Variants in VAV1 observed in about 807,000 individuals in gnomAD.
VAV1 encodes the protein proto-oncogene vav.
A neutral mutation model predicts 128.1 loss-of-function variants in VAV1; 33 were observed. That is an observed-to-expected ratio of 0.26 (90% confidence interval 0.20 to 0.34). The LOEUF (loss-of-function observed/expected upper bound fraction) is 0.34, where lower values mean the gene tolerates loss of function less well. VAV1 is among the 10% of genes least tolerant of loss of function. The probability of loss-of-function intolerance (pLI) is 1.00; values close to 1 mark genes in which losing one functional copy is unlikely to be tolerated. For missense variants in VAV1, 715 were observed against 1,093.7 expected (o/e 0.65, Z 4.88); for synonymous variants, 394 against 409.8 (o/e 0.96, Z 0.47).
intron 1 of VAV1, among the ~76,000 whole-genome samples, chr19:6,803,001 T>C (rs1200687075): frequency 6.6e-6 from 1 of 152,206 alleles, no homozygotes; most frequent in African/African-American, 2.4e-5. Flanking sequence ...GCTTTATTCA[T>C]GATTGCTGAA....
chr19:6,852,444 G>A (rs1022383706), intron 24 of VAV1, among the ~76,000 whole-genome samples: 2 of 152,144 alleles, frequency 1.3e-5, no homozygotes, highest in Non-Finnish European at 2.9e-5. Context: ...GTTTTTGGCC[G>A]GGCACGGTGG....
intron 22 of VAV1, among the ~76,000 whole-genome samples, chr19:6,843,794 C>G (rs11670466): frequency 6.6e-6 from 1 of 151,960 alleles, no homozygotes; most frequent in South Asian, 2.1e-4. Context: ...TTAATCTGTT[C>G]TAAGATGCAT....
chr19:6,786,333 G>T (rs1970893093), intron 1 of VAV1, among the ~76,000 whole-genome samples: 1 of 152,044 alleles, frequency 6.6e-6, no homozygotes, highest in Non-Finnish European at 1.5e-5. Flanking sequence ...ATCTTAGCTT[G>T]TATCTGTAGT....
intron 9 of VAV1, chr19:6,827,093 A>G: frequency 4.2e-6 from 1 of 236,096 alleles, no homozygotes; most frequent in Admixed American, 4.7e-5. Flanking sequence ...CTTGAACTGA[A>G]CTTCAACCTG....
In VAV1 at chr19:6,821,816, G is replaced by A; in HGVS notation, c.406G>A (p.Val136Ile). ...GCCCTTCCCCACCGAGGAGGAGAGT[G>A]TAGGTGATGAAGACATCTACAGTGG... ...IMPFPTEEES[V>I]GDEDIYSGLS... The change falls in exon 4 of 27, where the codon GTA becomes ATA. Residue 136 changes from valine to isoleucine, a missense_variant. Around this residue, in one of 3 missense-constraint regions of VAV1, gnomAD observed 302 missense variants for 477.8 expected, o/e 0.63. Transcript: ENST00000602142. 1 of 1,614,212 alleles carries A rather than the reference G, an allele frequency of 6.2e-7. No homozygotes were observed. The highest frequency in any genetic ancestry group is 8.5e-7 in the Non-Finnish European group (1 of 1,180,022).
intron 21 of VAV1, among the ~76,000 whole-genome samples, chr19:6,837,751 A>G (rs187360348): frequency 1.3e-5 from 2 of 152,204 alleles, no homozygotes; most frequent in East Asian, 3.9e-4. Flanking sequence ...CTACCCACAC[A>G]TAGTATTTAT....
chr19:6,798,042 C>T (rs995993951), intron 1 of VAV1, among the ~76,000 whole-genome samples: 8 of 152,096 alleles, frequency 5.3e-5, no homozygotes, highest in East Asian at 1.9e-4. Flanking sequence ...TTTGGGAGGC[C>T]GAGGTGGGCA....
chr19:6,849,471 TAG>T (rs921764122), intron 23 of VAV1, among the ~76,000 whole-genome samples: 1 of 124,696 alleles, frequency 8.0e-6, no homozygotes, highest in Middle Eastern at 4.1e-3. Context: ...TTTGTATTTT[TAG>T]TAGAGACAGT....
In VAV1 at chr19:6,839,143, C is replaced by T. The variant is rs368800375; in HGVS notation, c.1980+2093C>T. The stretch of plus-strand genomic sequence containing the variant: ...GTCTCGAACTCCTGACCTTGTGATC[C>T]GCCAGCTTCAGCCTCCCAAAGTGTT... On this transcript the variant is annotated intron_variant, in intron 21 of 26. Transcript: ENST00000602142. Among the ~76,000 whole-genome samples the T allele has an allele frequency of 2.1e-4, 31 of 150,742 alleles. No individual in the cohort carries two copies. The South Asian group carries it at 4.6e-3, about 22-fold the overall frequency.
chr19:6,832,969 A>AG (rs1250299068), intron 15 of VAV1, among the ~76,000 whole-genome samples: 8 of 152,152 alleles, frequency 5.3e-5, no homozygotes, highest in African/African-American at 1.4e-4. Context: ...CCGCTCTCGC[A>AG]GCCCCTGGAA....
intron 19 of VAV1, 23 bp downstream of exon 19, chr19:6,833,976 G>A (rs753225970): frequency 6.2e-7 from 1 of 1,613,986 alleles, no homozygotes; most frequent in Non-Finnish European, 8.5e-7. Context: ...GGGTTGCTGT[G>A]TGGGGGCAGG....
intron 1 of VAV1, among the ~76,000 whole-genome samples, chr19:6,802,204 T>G (rs2546136): frequency 0.86 from 129,865 of 151,612 alleles, 56,386 homozygotes; most frequent in East Asian, 1. Flanking sequence ...GTCGGGGAAG[T>G]GGGGAGGGAT....
At chr19:6,782,767 G>A (rs1310393050) in intron 1 of VAV1, among the ~76,000 whole-genome samples, 4 of 151,960 alleles carry the variant, frequency 2.6e-5, no homozygotes, top group East Asian at 1.9e-4. Context: ...CTATGGTCCC[G>A]GCTACCTAGG....
chr19:6,853,079 G>A lies in VAV1; in HGVS notation c.2332G>A (p.Val778Met). 6.2e-7 allele frequency: 1 copy of A among 1,610,676 alleles called. No homozygotes were observed. The highest frequency in any genetic ancestry group is 8.5e-7 in the Non-Finnish European group (1 of 1,177,872). Reference protein sequence around the residue: ...PEKRTISRPAVGSTKYFGTAK... With the variant: ...PEKRTISRPAMGSTKYFGTAK... ...AAAGAGAACCATCAGCAGGCCAGCAGGTAGGAGGTCTCAGACTGGGGGCTT... is the reference window on the plus strand; with the variant it reads ...AAAGAGAACCATCAGCAGGCCAGCAAGTAGGAGGTCTCAGACTGGGGGCTT... The change falls in exon 25 of 27, where the codon GTG becomes ATG. Residue 778 changes from valine (V) to methionine (M), a missense_variant and splice_region_variant. Coordinates refer to ENST00000602142, the MANE Select transcript of VAV1 (RefSeq NM_005428.4).
In VAV1 at chr19:6,833,503, T is replaced by C. The variant is rs755831832; in HGVS notation, c.1611-25T>C. ...CCTGTCTGTAAAGGTCACTCGCTCT[T>C]CTTTATGTGTTCCCTGCATCTCAGA... is the stretch of plus-strand genomic sequence containing the variant. On this transcript the variant is annotated intron_variant, in intron 16 of 26. Transcript: ENST00000602142. The C allele has an allele frequency of 5.1e-6, 8 of 1,575,622 alleles. No individual in the cohort carries two copies. In the African/African-American group the frequency reaches 8.2e-5, roughly 16 times the overall value.
intron 14 of VAV1, 30 bp downstream of exon 14, chr19:6,829,948 C>T (rs1448771984): frequency 1.2e-6 from 2 of 1,613,462 alleles, no homozygotes; most frequent in African/African-American, 2.7e-5. Context: ...ACTATGGGGT[C>T]CTCCACGCAG....
rs1244301126 is a variant in VAV1, at chr19:6,828,327, G to C, written c.1024-92G>C. 44 of 1,563,014 alleles carry C rather than the reference G, an allele frequency of 2.8e-5. No homozygotes were observed. The highest frequency in any genetic ancestry group is 3.5e-5 in the Non-Finnish European group (40 of 1,138,632). ...AGCCTCCAGGGTCAGCAGTACGATGGAGGAGCTGGTGAGCTAGCATTGTTT... is the reference window on the plus strand; with the variant it reads ...AGCCTCCAGGGTCAGCAGTACGATGCAGGAGCTGGTGAGCTAGCATTGTTT... On this transcript the variant is annotated intron_variant, in intron 10 of 26. Transcript: ENST00000602142. This position sits in a 1 kb window ranked among gnomAD's most constrained non-coding sequence, Gnocchi z 4.5.
intron 13 of VAV1, among the ~76,000 whole-genome samples, chr19:6,829,405 G>A (rs1486756679): frequency 3.3e-5 from 5 of 150,290 alleles, no homozygotes; most frequent in Admixed American, 3.3e-4. Context: ...ACACAGATCT[G>A]GGGTGGAGCC....
chr19:6,798,417 TAGG>T (rs1334275886), intron 1 of VAV1, among the ~76,000 whole-genome samples: 1 of 151,706 alleles, frequency 6.6e-6, no homozygotes, highest in Non-Finnish European at 1.5e-5. Context: ...TGCTTGAGTT[TAGG>T]AGATCGAGAT....
Sources: gnomAD v4.1 joint callset for allele counts (sites outside exome capture counted in the v4.1 genomes callset) on GRCh38, gnomAD v4.1.1 for gene constraint, gnomAD v4.1.1 regional missense constraint, Gnocchi (gnomAD v3.1) non-coding constraint, MANE v1.5 for transcripts, NCBI Gene and HGNC (gene_info 2026-07-23, HGNC 2026-07-21) for gene names.